Variants in KHDRBS2 observed in about 807,000 individuals in gnomAD.
KHDRBS2 encodes KH RNA binding domain containing, signal transduction associated 2.
A neutral mutation model predicts 44.3 loss-of-function variants in KHDRBS2; 26 were observed. The observed-to-expected ratio is 0.59, with a 90% CI of 0.43 to 0.81. The LOEUF is 0.81. Among genes scored for constraint, KHDRBS2 ranks in the 40% least tolerant of loss-of-function variants. The pLI is 0.00. For synonymous variants in KHDRBS2, 194 were observed against 151.1 expected (o/e 1.28, Z -2.08); for missense variants, 476 against 433.1 (o/e 1.10, Z -0.88).
chr6:61,898,979 G>T (rs1254595030), intron 5 of KHDRBS2, among the ~76,000 whole-genome samples: 1 of 151,898 alleles, frequency 6.6e-6, no homozygotes, highest in Non-Finnish European at 1.5e-5. Flanking sequence ...TAGAGGGAAT[G>T]ATCAATTAGT....
the KHDRBS2 span, among the ~76,000 whole-genome samples, chr6:61,569,059 A>G: frequency 4.4e-5 from 3 of 68,862 alleles, no homozygotes; most frequent in African/African-American, 1.7e-4. Context: ...GCAGGGTCTG[A>G]TTGGGGCACT....
chr6:62,148,985 T>C (rs140084779), intron 2 of KHDRBS2, among the ~76,000 whole-genome samples: 41 of 152,192 alleles, frequency 2.7e-4, no homozygotes, highest in African/African-American at 9.4e-4. Context: ...CATATCCTTT[T>C]AAAAATTTAT....
chr6:61,874,104 T>G (rs1799055672), intron 6 of KHDRBS2, among the ~76,000 whole-genome samples: 1 of 152,126 alleles, frequency 6.6e-6, no homozygotes, highest in Non-Finnish European at 1.5e-5. Flanking sequence ...TATATTTTTA[T>G]TGTTTGATAA....
intron 4 of KHDRBS2, among the ~76,000 whole-genome samples, chr6:61,945,580 T>G (rs1813199827): frequency 6.6e-6 from 1 of 152,078 alleles, no homozygotes; most frequent in Non-Finnish European, 1.5e-5. Flanking sequence ...TTTAGAAACT[T>G]TTTTGCAATG....
the KHDRBS2 span, among the ~76,000 whole-genome samples, chr6:61,572,441 G>A: frequency 6.6e-6 from 1 of 151,998 alleles, no homozygotes; most frequent in Non-Finnish European, 1.5e-5. Context: ...AAAAGATAAA[G>A]AGGGAATCTC....
chr6:62,269,772 T>C (rs1309575045), intron 1 of KHDRBS2, among the ~76,000 whole-genome samples: 1 of 152,088 alleles, frequency 6.6e-6, no homozygotes, highest in Non-Finnish European at 1.5e-5. Flanking sequence ...AAAAATCCTG[T>C]ACATGAACTT....
At chr6:61,899,870 T>C (rs889313591) in intron 5 of KHDRBS2, among the ~76,000 whole-genome samples, 13 of 151,868 alleles carry the variant, frequency 8.6e-5, no homozygotes, top group Non-Finnish European at 1.6e-4. Context: ...CAATTTCATA[T>C]GATTCAACTT....
intron 1 of KHDRBS2, among the ~76,000 whole-genome samples, chr6:62,259,159 C>G (rs988593155): frequency 6.6e-6 from 1 of 151,918 alleles, no homozygotes; most frequent in Non-Finnish European, 1.5e-5. Flanking sequence ...TTTTCTGATT[C>G]TAAATGAAAT....
intron 1 of KHDRBS2, among the ~76,000 whole-genome samples, chr6:62,254,767 C>T (rs145366119): frequency 1.3e-5 from 2 of 152,150 alleles, no homozygotes; most frequent in Non-Finnish European, 2.9e-5. Context: ...CTAACTGCAA[C>T]AAGCAGTTCG....
At chr6:61,579,626 A>G in the KHDRBS2 span, among the ~76,000 whole-genome samples, 1 of 152,284 alleles carries the variant, frequency 6.6e-6, no homozygotes, top group Non-Finnish European at 1.5e-5. Context: ...GCAGGGTAAA[A>G]ATTTATATAA....
At chr6:62,278,126 T>C (rs1269943977) in intron 1 of KHDRBS2, among the ~76,000 whole-genome samples, 1 of 152,228 alleles carries the variant, frequency 6.6e-6, no homozygotes, top group Non-Finnish European at 1.5e-5. Flanking sequence ...CTATGAAATA[T>C]ATTAAATATT....
At chr6:62,147,816 T>C (rs1447707865) in intron 2 of KHDRBS2, among the ~76,000 whole-genome samples, 3 of 151,988 alleles carry the variant, frequency 2.0e-5, no homozygotes, top group African/African-American at 7.2e-5. Context: ...TGCTCTTCTC[T>C]ATACCTGGCA....
At chr6:61,826,741 G>T (rs1051736031) in intron 6 of KHDRBS2, among the ~76,000 whole-genome samples, 4 of 152,026 alleles carry the variant, frequency 2.6e-5, no homozygotes, top group African/African-American at 9.7e-5. Flanking sequence ...ATCTGCCCTT[G>T]AAACAATTAT....
chr6:62,144,054 A>T (rs1473039580), intron 2 of KHDRBS2, among the ~76,000 whole-genome samples: 2 of 151,878 alleles, frequency 1.3e-5, no homozygotes, highest in Non-Finnish European at 2.9e-5. Flanking sequence ...CACACCAAAA[A>T]CATCTTTCAA....
chr6:61,921,798 T>A (rs1033804793), intron 4 of KHDRBS2, among the ~76,000 whole-genome samples: 1 of 152,022 alleles, frequency 6.6e-6, no homozygotes, highest in South Asian at 2.1e-4. Context: ...TTCTATTACA[T>A]GGTTCCTTTA....
chr6:62,253,054 C>A (rs1359895638), intron 1 of KHDRBS2, among the ~76,000 whole-genome samples: 7 of 151,920 alleles, frequency 4.6e-5, no homozygotes, highest in African/African-American at 1.4e-4. Flanking sequence ...CCATGGATCA[C>A]CTACCCCAGA....
the KHDRBS2 span, among the ~76,000 whole-genome samples, chr6:61,650,415 T>G: frequency 6.6e-6 from 1 of 152,168 alleles, no homozygotes; most frequent in East Asian, 1.9e-4. Flanking sequence ...AAATGTTTTT[T>G]TTTTTTAATC....
intron 3 of KHDRBS2, among the ~76,000 whole-genome samples, chr6:62,002,731 C>T (rs1364246773): frequency 6.6e-6 from 1 of 151,150 alleles, no homozygotes; most frequent in Admixed American, 6.6e-5. Flanking sequence ...ATTGCATGTT[C>T]TTTTTCTATA....
chr6:62,049,655 G>A (rs541168011), intron 2 of KHDRBS2, among the ~76,000 whole-genome samples: 1 of 152,144 alleles, frequency 6.6e-6, no homozygotes, highest in Non-Finnish European at 1.5e-5. Context: ...GTTCCTTGAA[G>A]ATTCTAGATA....
Sources: gnomAD v4.1 joint callset for allele counts (sites outside exome capture counted in the v4.1 genomes callset) on GRCh38, gnomAD v4.1.1 for gene constraint, MANE v1.5 for transcripts, NCBI Gene and HGNC (gene_info 2026-07-23, HGNC 2026-07-21) for gene names.